KCND2: variants seen among roughly 807,000 people sequenced by gnomAD.
KCND2 encodes potassium voltage-gated channel subfamily D member 2.
KCND2 carries 16 observed loss-of-function variants against 54.4 expected under a neutral mutation model. The ratio of observed to expected loss-of-function variants is 0.29; its 90% CI spans 0.20 to 0.45. KCND2 has a LOEUF of 0.45. Among genes scored for constraint, KCND2 ranks in the 20% least tolerant of loss-of-function variants. KCND2 has a pLI of 1.00. For synonymous variants in KCND2, 317 were observed against 310.7 expected (o/e 1.02, Z -0.21); for missense variants, 486 against 824.2 (o/e 0.59, Z 5.02).
At chr7:120,624,082 A>G (rs9641645) in intron 1 of KCND2, among the ~76,000 whole-genome samples, 4,318 of 152,320 alleles carry the variant, frequency 0.028, 171 homozygotes, top group African/African-American at 0.09. Context: ...TAAAATTGTC[A>G]ATGGCAAAGA....
chr7:120,574,997 A>G (rs1792410760), intron 1 of KCND2, among the ~76,000 whole-genome samples: 2 of 152,264 alleles, frequency 1.3e-5, no homozygotes, highest in African/African-American at 2.4e-5. Flanking sequence ...TTACAAAGAC[A>G]TATAATTAAA....
At chr7:120,571,688 G>T (rs1792368297) in intron 1 of KCND2, among the ~76,000 whole-genome samples, 1 of 152,132 alleles carries the variant, frequency 6.6e-6, no homozygotes, top group Non-Finnish European at 1.5e-5. Context: ...CTTTCTTAAT[G>T]AAGCATCTTC....
intron 1 of KCND2, among the ~76,000 whole-genome samples, chr7:120,682,236 A>G (rs1792148460): frequency 1.3e-5 from 2 of 152,034 alleles, no homozygotes; most frequent in African/African-American, 2.4e-5. Context: ...TTTTCATTAC[A>G]TAAGTTATTT....
intron 1 of KCND2, among the ~76,000 whole-genome samples, chr7:120,639,055 T>C (rs1158369456): frequency 6.6e-6 from 1 of 152,158 alleles, no homozygotes; most frequent in African/African-American, 2.4e-5. Context: ...TTTTCTTTGG[T>C]GTCTCATATA....
At chr7:120,535,543 A>G (rs2116371152) in intron 1 of KCND2, among the ~76,000 whole-genome samples, 1 of 152,270 alleles carries the variant, frequency 6.6e-6, no homozygotes, top group South Asian at 2.1e-4. Flanking sequence ...GAGAGGTCAC[A>G]TACTTAAGAG....
Position 120,608,350 on chromosome 7 carries a change from G to A in KCND2, c.1116-124553G>A, listed in dbSNP as rs183745814. Among the ~76,000 whole-genome samples the A allele has an allele frequency of 2.6e-3, 390 of 152,182 alleles. 3 individuals carry two copies. Among genetic ancestry groups the A allele is most frequent in the African/African-American group, 9.0e-3 (375 of 41,540 alleles). On this transcript the variant is annotated intron_variant, in intron 1 of 5. Coordinates refer to ENST00000331113, the MANE Select transcript of KCND2 (RefSeq NM_012281.3). The stretch of plus-strand genomic sequence containing the variant: ...AGCAAATGTGTAAGGACCACTGAAA[G>A]TTCTAGGAAATAGGAATATAGACAA...
intron 1 of KCND2, among the ~76,000 whole-genome samples, chr7:120,357,516 A>G (rs1800523829): frequency 6.6e-6 from 1 of 152,166 alleles, no homozygotes; most frequent in African/African-American, 2.4e-5. Flanking sequence ...ATGTTATTGC[A>G]ATAAATAAAC....
chr7:120,569,136 A>G (rs971549606), intron 1 of KCND2, among the ~76,000 whole-genome samples: 1 of 152,122 alleles, frequency 6.6e-6, no homozygotes, highest in African/African-American at 2.4e-5. Flanking sequence ...AAATGTACCC[A>G]TACTATGCCT....
At chr7:120,421,145 A>C (rs1210831953) in intron 1 of KCND2, among the ~76,000 whole-genome samples, 1 of 152,246 alleles carries the variant, frequency 6.6e-6, no homozygotes, top group Non-Finnish European at 1.5e-5. Context: ...TAGCATATGC[A>C]AGTCAAGTGC....
At chr7:120,298,978 G>A (rs945269545) in intron 1 of KCND2, among the ~76,000 whole-genome samples, 1 of 152,110 alleles carries the variant, frequency 6.6e-6, no homozygotes, top group African/African-American at 2.4e-5. Context: ...GCCAACATGG[G>A]TGAAACCCCG....
chr7:120,522,334 G>T (rs1791709122), intron 1 of KCND2, among the ~76,000 whole-genome samples: 1 of 152,172 alleles, frequency 6.6e-6, no homozygotes, highest in African/African-American at 2.4e-5. Flanking sequence ...AGAAAACAAT[G>T]CACAAAGACT....
At chr7:120,646,060 A>G (rs758575359) in intron 1 of KCND2, among the ~76,000 whole-genome samples, 4 of 152,242 alleles carry the variant, frequency 2.6e-5, no homozygotes, top group Non-Finnish European at 4.4e-5. Flanking sequence ...CTCTTCAGAA[A>G]GATAAAAATG....
At chr7:120,713,159 A>G (rs574448769) in intron 1 of KCND2, among the ~76,000 whole-genome samples, 1 of 152,176 alleles carries the variant, frequency 6.6e-6, no homozygotes, top group East Asian at 1.9e-4. Context: ...GTGTCCAATA[A>G]ATGTTATTTA....
intron 1 of KCND2, among the ~76,000 whole-genome samples, chr7:120,469,207 A>T (rs1180452707): frequency 6.6e-6 from 1 of 152,100 alleles, no homozygotes; most frequent in Non-Finnish European, 1.5e-5. Context: ...GGATCCTCTC[A>T]TTTGTGAAGC....
intron 1 of KCND2, among the ~76,000 whole-genome samples, chr7:120,577,345 A>T (rs753919042): frequency 3.9e-5 from 6 of 152,146 alleles, no homozygotes; most frequent in Non-Finnish European, 7.4e-5. Context: ...TTCATTTTTT[A>T]AAATTTACTT....
At chr7:120,686,752 G>C (rs1191515891) in intron 1 of KCND2, among the ~76,000 whole-genome samples, 1 of 152,068 alleles carries the variant, frequency 6.6e-6, no homozygotes, top group Non-Finnish European at 1.5e-5. Context: ...ATGCTCACCT[G>C]AGGCATTCTT....
At chr7:120,694,874 A>C (rs2116608038) in intron 1 of KCND2, among the ~76,000 whole-genome samples, 1 of 152,344 alleles carries the variant, frequency 6.6e-6, no homozygotes, top group African/African-American at 2.4e-5. Context: ...GTTGGAATAC[A>C]GTTTAATATT....
At position 120,274,360 on chromosome 7, in the gene KCND2, C is replaced by T. The variant is rs1427647772; in HGVS notation, c.-273C>T. On this transcript the variant is annotated 5_prime_UTR_variant, in exon 1 of 6. Transcript: ENST00000331113. ...TTGTGCCAGAGGGTGGCCTAGCCCA[C>T]CTGCAGGAAGAGATTTGGCTGGGTT... The T allele has an allele frequency of 1.8e-6, 1 of 562,784 alleles. No individual in the cohort carries two copies. The highest frequency in any genetic ancestry group is 3.2e-6 in the Non-Finnish European group (1 of 314,524). The allele number at this position is 562,784 out of a possible 1,614,324, so 34.9% of individuals were successfully genotyped here.
intron 1 of KCND2, among the ~76,000 whole-genome samples, chr7:120,655,761 CA>C (rs1791794220): frequency 1.3e-5 from 2 of 152,108 alleles, no homozygotes; most frequent in Admixed American, 1.3e-4. Context: ...TACCCTCACC[CA>C]AAAATGATTG....
Sources: allele counts gnomAD v4.1 joint callset (sites outside exome capture counted in the v4.1 genomes callset), GRCh38; gene constraint gnomAD v4.1.1; transcripts MANE v1.5; gene names NCBI Gene and HGNC (gene_info 2026-07-23, HGNC 2026-07-21).